The following SORCS3 variants were observed in gnomAD, a reference collection of about 807,000 sequenced individuals.
SORCS3 encodes the protein VPS10 domain-containing receptor SorCS3.
In SORCS3, 57 loss-of-function variants were observed where a neutral mutation model predicts 146.3. The observed-to-expected ratio is 0.39, with a 90% CI of 0.31 to 0.49. The LOEUF (loss-of-function observed/expected upper bound fraction) is 0.49. Among genes scored for constraint, SORCS3 ranks in the 20% least tolerant of loss-of-function variants. The probability of loss-of-function intolerance (pLI) is 0.92; values close to 1 mark genes in which losing one functional copy is unlikely to be tolerated. For missense variants in SORCS3, 1,341 were observed against 1,575.5 expected (o/e 0.85, Z 2.52); for synonymous variants, 653 against 618.5 (o/e 1.06, Z -0.83).
rs73352837 is a variant in SORCS3 at position 105,261,651 on chromosome 10, G to A, written c.3444-680G>A. On this transcript the variant is annotated intron_variant, in intron 25 of 26. Transcript: ENST00000369701. ...AGATGAATGCCTCAAGAAGATTTCA[G>A]TGTGAAGCCGCTCACTTCTCCAACC... Among the ~76,000 whole-genome samples the A allele has an allele frequency of 6.1e-3, 933 of 152,330 alleles. 11 individuals carry two copies. Among genetic ancestry groups the A allele is most frequent in the African/African-American group, 0.022 (898 of 41,582 alleles).
chr10:105,012,922 A>C (rs2055143488), intron 4 of SORCS3, among the ~76,000 whole-genome samples: 1 of 152,168 alleles, frequency 6.6e-6, no homozygotes, highest in Admixed American at 6.6e-5. Flanking sequence ...ACAAGCTGTA[A>C]AAAAAGATTG....
At chr10:104,989,627 T>C (rs2054982445) in intron 4 of SORCS3, among the ~76,000 whole-genome samples, 3 of 152,174 alleles carry the variant, frequency 2.0e-5, no homozygotes, top group Non-Finnish European at 4.4e-5. Flanking sequence ...CAATGCAGAC[T>C]GATGTTCTGT....
At chr10:105,203,615 A>G (rs2056586342) in intron 16 of SORCS3, among the ~76,000 whole-genome samples, 1 of 152,144 alleles carries the variant, frequency 6.6e-6, no homozygotes, top group Non-Finnish European at 1.5e-5. Flanking sequence ...TTCCATTAAC[A>G]TTTACTGGTC....
At position 105,252,917 on chromosome 10, in the gene SORCS3, G is replaced by A; in HGVS notation, c.3237+11G>A. The A allele has an allele frequency of 6.2e-7, 1 of 1,613,400 alleles. No individual in the cohort carries two copies. Among genetic ancestry groups the A allele is most frequent in the Non-Finnish European group, 8.5e-7 (1 of 1,179,644 alleles). ...GGGGACCTGGAACAAGTAAGTGAAA[G>A]TAAATCTGGCTGGGACCCTTGCCTG... On this transcript the variant is annotated intron_variant, in intron 23 of 26. Transcript: ENST00000369701.
At chr10:104,660,245 G>T (rs913473325) in intron 1 of SORCS3, among the ~76,000 whole-genome samples, 1 of 152,168 alleles carries the variant, frequency 6.6e-6, no homozygotes, top group African/African-American at 2.4e-5. Flanking sequence ...AAGTTACCAA[G>T]GTGGCTTCCT....
chr10:105,070,272 C>T (rs762220749), intron 5 of SORCS3, among the ~76,000 whole-genome samples: 16 of 152,184 alleles, frequency 1.1e-4, no homozygotes, highest in Non-Finnish European at 1.9e-4. Flanking sequence ...GTTGAGGAAA[C>T]TAAGGTTGAG....
intron 3 of SORCS3, among the ~76,000 whole-genome samples, chr10:104,949,511 C>T (rs1350051249): frequency 6.6e-6 from 1 of 152,194 alleles, no homozygotes; most frequent in Non-Finnish European, 1.5e-5. Context: ...TAACTTCCCT[C>T]TTCTACTTCT....
At chr10:105,037,495 T>G (rs540633622) in intron 4 of SORCS3, among the ~76,000 whole-genome samples, 1 of 152,334 alleles carries the variant, frequency 6.6e-6, no homozygotes, top group South Asian at 2.1e-4. Flanking sequence ...TTTTTCTAGC[T>G]TCTGGTGGTT....
chr10:105,140,871 G>T (rs2056090614), intron 8 of SORCS3, among the ~76,000 whole-genome samples: 1 of 152,116 alleles, frequency 6.6e-6, no homozygotes, highest in Non-Finnish European at 1.5e-5. Context: ...ATAGTATGGT[G>T]TTTGCAGGAT....
intron 4 of SORCS3, among the ~76,000 whole-genome samples, chr10:105,032,713 T>G (rs1239165845): frequency 1.3e-5 from 2 of 152,184 alleles, no homozygotes; most frequent in Admixed American, 1.3e-4. Context: ...ACTAAGAGAT[T>G]TAAGTTCTTC....
intron 3 of SORCS3, among the ~76,000 whole-genome samples, chr10:104,967,539 A>C (rs1039225969): frequency 6.6e-6 from 1 of 152,018 alleles, no homozygotes; most frequent in Non-Finnish European, 1.5e-5. Flanking sequence ...CTTTATGCCC[A>C]CCTCTTGCAA....
At chr10:104,723,497 G>A (rs1050305405) in intron 1 of SORCS3, among the ~76,000 whole-genome samples, 1 of 152,264 alleles carries the variant, frequency 6.6e-6, no homozygotes, top group African/African-American at 2.4e-5. Flanking sequence ...TATTAGGTCT[G>A]CTTGATGCAG....
At chr10:104,692,443 T>A (rs1274474181) in intron 1 of SORCS3, among the ~76,000 whole-genome samples, 10 of 152,180 alleles carry the variant, frequency 6.6e-5, no homozygotes, top group Admixed American at 6.5e-4. Context: ...AGTTGGACCA[T>A]GGCTTATATT....
At chr10:104,986,549 A>G (rs1214630548) in intron 4 of SORCS3, among the ~76,000 whole-genome samples, 1 of 152,220 alleles carries the variant, frequency 6.6e-6, no homozygotes, top group African/African-American at 2.4e-5. Context: ...CTTCACTCTC[A>G]GCCTCCTGGC....
chr10:104,940,247 T>A (rs1355639730), intron 3 of SORCS3, among the ~76,000 whole-genome samples: 356 of 95,752 alleles, frequency 3.7e-3, no homozygotes, highest in African/African-American at 0.012. Flanking sequence ...TATTTTTTTT[T>A]TTTTTTTTAT....
At chr10:104,785,453 G>A (rs796443294) in intron 1 of SORCS3, among the ~76,000 whole-genome samples, 15 of 142,090 alleles carry the variant, frequency 1.1e-4, no homozygotes, top group African/African-American at 3.5e-4. Context: ...GCGGAAGGCC[G>A]CAGGGTCCTC....
chr10:104,815,498 A>T (rs1250812929), intron 1 of SORCS3, among the ~76,000 whole-genome samples: 9 of 151,532 alleles, frequency 5.9e-5, no homozygotes. Context: ...CTTGGAGCAT[A>T]ACATTATCGG....
chr10:104,962,873 A>T lies in SORCS3; in HGVS notation c.796-14462A>T, dbSNP rs180840314. On this transcript the variant is annotated intron_variant, in intron 3 of 26. Transcript: ENST00000369701. Reference sequence around the variant, plus strand: ...CGTGAATGTTTGTTTCAAGTTATCTACTATGGATAAGTACAGACAAGAAAT... The same window carrying T: ...CGTGAATGTTTGTTTCAAGTTATCTTCTATGGATAAGTACAGACAAGAAAT... Among the ~76,000 whole-genome samples, 461 of 152,362 alleles carry T rather than the reference A, an allele frequency of 3.0e-3. 2 individuals are homozygous for T. Among genetic ancestry groups the T allele is most frequent in the South Asian group, 0.018 (88 of 4,830 alleles).
At chr10:104,854,084 T>C (rs2018303616) in intron 2 of SORCS3, among the ~76,000 whole-genome samples, 1 of 152,150 alleles carries the variant, frequency 6.6e-6, no homozygotes, top group African/African-American at 2.4e-5. Flanking sequence ...AGCTTTTAAC[T>C]CCCAGTTTAG....
Sources: allele counts gnomAD v4.1 joint callset (sites outside exome capture counted in the v4.1 genomes callset), GRCh38; gene constraint gnomAD v4.1.1; transcripts MANE v1.5; gene names NCBI Gene and HGNC (gene_info 2026-07-23, HGNC 2026-07-21).